The following PRDM2 variants were observed in gnomAD, a reference collection of about 807,000 sequenced individuals.
PRDM2 encodes PR domain zinc finger protein 2.
Under a neutral mutation model 130.0 loss-of-function variants are expected in PRDM2, and 30 were observed. That is an observed-to-expected ratio of 0.23 (90% CI 0.17 to 0.31). The LOEUF (loss-of-function observed/expected upper bound fraction) is 0.31, where lower values mean the gene tolerates loss of function less well. Ranked by LOEUF, PRDM2 falls within the 10% of genes least tolerant of loss-of-function variation. The pLI, the probability that PRDM2 is intolerant of heterozygous loss-of-function variation, is 1.00. For synonymous variants in PRDM2, 871 were observed against 782.4 expected (o/e 1.11, Z -1.89); for missense variants, 2,011 against 2,108.4 (o/e 0.95, Z 0.90).
chr1:13,819,568 T>A (rs2697957), intron 9 of PRDM2, among the ~76,000 whole-genome samples: 102,576 of 152,132 alleles, frequency 0.67, 35,740 homozygotes, highest in Non-Finnish European at 0.76. Context: ...AATAATTTTT[T>A]AAAAAAATCT....
Position 13,779,192 on chromosome 1 carries a change from A to G in PRDM2, c.1397A>G (p.Asp466Gly). Residue 466 changes from aspartate to glycine, a missense_variant, in exon 8 of 10, where the codon GAC becomes GGC. Around this residue, in one of 5 missense-constraint regions of PRDM2, gnomAD observed 1,288 missense variants for 1,237.7 expected, o/e 1.04. Transcript: ENST00000311066. The surrounding 1 kb of genome is among the most constrained non-coding windows in gnomAD (Gnocchi z 4.9). ...ATGAATTCAGAGAAGGCTTCCCAAG[A>G]CACAATAAATTCTTCTGTCGTAGAA... ...LIMNSEKASQDTINSSVVEEN... is the reference protein window; with the variant it reads ...LIMNSEKASQGTINSSVVEEN... 1 of 1,614,228 alleles carries G rather than the reference A, an allele frequency of 6.2e-7. No homozygotes were observed. Among genetic ancestry groups the G allele is most frequent in the African/African-American group, 1.3e-5 (1 of 75,056 alleles).
In PRDM2 at chr1:13,782,059, T is replaced by G; in HGVS notation, c.4264T>G (p.Leu1422Val). ...GTCGAATAAGCTCAAATTAAATGCA[T>G]TGAAGAAAAAAAATCAGCTAGTACA... ...MSSNKLKLNA[L>V]KKKNQLVQKA... Residue 1422 changes from leucine to valine, a missense_variant, in exon 8 of 10, where the codon TTG becomes GTG. This residue lies in a region of PRDM2 where 410 missense variants were observed against 395.9 expected (regional missense o/e 1.04). Coordinates refer to ENST00000311066, the MANE Select transcript of PRDM2 (RefSeq NM_001393986.1). 6.2e-7 allele frequency: 1 copy of G among 1,613,988 alleles called. No homozygotes were observed. Among genetic ancestry groups the G allele is most frequent in the East Asian group, 2.2e-5 (1 of 44,884 alleles).
chr1:13,711,028 T>C (rs1334283878), intron 1 of PRDM2, among the ~76,000 whole-genome samples: 1 of 148,596 alleles, frequency 6.7e-6, no homozygotes, highest in African/African-American at 2.5e-5. Context: ...GAGCTTGCAG[T>C]GAGCTGAGAT....
In PRDM2 at chr1:13,780,924, C is replaced by A. The variant is rs760197756; in HGVS notation, c.3129C>A (p.Ala1043=). ...CTCCCGTGGAGCCCCTGATGTCTGCCGCCTCACCCGGGCCTCCAACACTTT... is the reference window on the plus strand; with the variant it reads ...CTCCCGTGGAGCCCCTGATGTCTGCAGCCTCACCCGGGCCTCCAACACTTT... The part of the protein sequence containing the change: ...PIPPVEPLMS[A]ASPGPPTLSS... Residue 1043 remains alanine (A), a synonymous_variant, in exon 8 of 10, where the codon GCC becomes GCA. Transcript: ENST00000311066. 49 of 1,612,888 alleles carry A rather than the reference C, an allele frequency of 3.0e-5. No homozygotes were observed. The highest frequency in any genetic ancestry group is 3.8e-5 in the Non-Finnish European group (45 of 1,179,218).
chr1:13,740,640 CT>C, intron 4 of PRDM2, among the ~76,000 whole-genome samples: 1 of 152,248 alleles, frequency 6.6e-6, no homozygotes, highest in Middle Eastern at 3.4e-3. Flanking sequence ...AAACAGGTGA[CT>C]TTGGGAAAGT....
intron 6 of PRDM2, among the ~76,000 whole-genome samples, chr1:13,760,630 TTG>T (rs1455540571): frequency 6.6e-6 from 1 of 152,208 alleles, no homozygotes; most frequent in African/African-American, 2.4e-5. Context: ...GTTAATTGCA[TTG>T]TGACTTCGGA....
intron 8 of PRDM2, among the ~76,000 whole-genome samples, chr1:13,795,743 A>C (rs1283570663): frequency 6.6e-6 from 1 of 152,206 alleles, no homozygotes; most frequent in Non-Finnish European, 1.5e-5. Context: ...TTGGAGCCTC[A>C]TCCCTCCAGC....
At chr1:13,783,142 CT>C in intron 8 of PRDM2, 1 of 565,088 alleles carries the variant, frequency 1.8e-6, no homozygotes, top group Non-Finnish European at 3.2e-6. Flanking sequence ...CTCAAACTTC[CT>C]TTATGTCTTG....
chr1:13,796,398 C>T (rs1023621538), intron 8 of PRDM2, among the ~76,000 whole-genome samples: 3 of 152,192 alleles, frequency 2.0e-5, no homozygotes, highest in East Asian at 3.9e-4. Flanking sequence ...CAAGGACCTC[C>T]CTTGTAAGCA....
chr1:13,707,329 C>G (rs1295148030), intron 1 of PRDM2, among the ~76,000 whole-genome samples: 1 of 149,984 alleles, frequency 6.7e-6, no homozygotes, highest in South Asian at 2.1e-4. Flanking sequence ...TCCTAGACAT[C>G]TCTTAATTTT....
intron 1 of PRDM2, among the ~76,000 whole-genome samples, chr1:13,711,470 G>T (rs181324626): frequency 6.6e-6 from 1 of 152,138 alleles, no homozygotes. Context: ...ACGTATTTTC[G>T]ATTGTCAAAA....
At chr1:13,786,601 G>A (rs1360148243) in intron 8 of PRDM2, 3 of 1,594,030 alleles carry the variant, frequency 1.9e-6, no homozygotes, top group East Asian at 2.2e-5. Context: ...AAGCACTACG[G>A]CAAAGGATAC....
intron 6 of PRDM2, among the ~76,000 whole-genome samples, chr1:13,759,328 G>T (rs1644041507): frequency 6.6e-6 from 1 of 152,156 alleles, no homozygotes; most frequent in Non-Finnish European, 1.5e-5. Context: ...CCCCAAGACG[G>T]AATTATGTGC....
At chr1:13,801,182 C>T (rs527293904) in intron 8 of PRDM2, among the ~76,000 whole-genome samples, 3 of 152,278 alleles carry the variant, frequency 2.0e-5, no homozygotes, top group East Asian at 3.9e-4. Context: ...ATGGAGGGGG[C>T]AAGGGGAGGG....
At chr1:13,700,639 G>T (rs1284790304) in intron 1 of PRDM2, among the ~76,000 whole-genome samples, 1 of 151,768 alleles carries the variant, frequency 6.6e-6, no homozygotes, top group South Asian at 2.1e-4. Flanking sequence ...GACTGGCCGG[G>T]TGCGGGCGGC....
At chr1:13,793,872 A>G (rs1447789575) in intron 8 of PRDM2, among the ~76,000 whole-genome samples, 1 of 152,140 alleles carries the variant, frequency 6.6e-6, no homozygotes, top group Non-Finnish European at 1.5e-5. Context: ...AAGTCTATGA[A>G]TTTGTGTTGG....
Position 13,782,621 on chromosome 1 carries a change from G to T in PRDM2, c.4826G>T (p.Arg1609Leu), listed in dbSNP as rs931053178. 1 of 1,614,124 alleles carries T rather than the reference G, an allele frequency of 6.2e-7. No homozygotes were observed. Among genetic ancestry groups the T allele is most frequent in the Non-Finnish European group, 8.5e-7 (1 of 1,180,030 alleles). ...GCTCAGCTTTCCAGCAAAACATCAC[G>T]GAGCCTGCACGTGAGGGTACAGAAA... is the stretch of plus-strand genomic sequence containing the variant. Reference protein sequence around the residue: ...HSAQLSSKTSRSLHVRVQKSK... With the variant: ...HSAQLSSKTSLSLHVRVQKSK... Residue 1609 changes from arginine (R) to leucine (L), a missense_variant, in exon 8 of 10, where the codon CGG (arginine) becomes CTG (leucine). Transcript: ENST00000311066.
At chr1:13,706,988 A>G (rs1642230060) in intron 1 of PRDM2, among the ~76,000 whole-genome samples, 1 of 152,072 alleles carries the variant, frequency 6.6e-6, no homozygotes. Context: ...AAAAAAACTT[A>G]ATAAAATCTT....
intron 7 of PRDM2, among the ~76,000 whole-genome samples, chr1:13,777,484 A>G (rs1241103862): frequency 1.3e-5 from 2 of 149,378 alleles, no homozygotes; most frequent in Non-Finnish European, 3.0e-5. Context: ...CCCTGTTTGC[A>G]TCTCTAGTCT....
Sources: allele counts gnomAD v4.1 joint callset (sites outside exome capture counted in the v4.1 genomes callset), GRCh38; gene constraint gnomAD v4.1.1; regional missense constraint gnomAD v4.1.1; non-coding constraint Gnocchi (gnomAD v3.1); transcripts MANE v1.5; gene names NCBI Gene and HGNC (gene_info 2026-07-23, HGNC 2026-07-21).